The following ST8SIA6 variants were observed in gnomAD, a reference collection of about 807,000 sequenced individuals.
ST8SIA6 encodes ST8 alpha-N-acetyl-neuraminide alpha-2,8-sialyltransferase 6, also known as alpha-2,8-sialyltransferase 8F.
In ST8SIA6, 39 loss-of-function variants were observed where a neutral mutation model predicts 33.6. That is an observed-to-expected ratio of 1.16 (90% CI 0.90 to 1.52). The LOEUF is 1.52. Ranked by LOEUF, ST8SIA6 falls within the 40% of genes most tolerant of loss-of-function variation. The pLI, the probability that ST8SIA6 is intolerant of heterozygous loss-of-function variation, is 0.00. For missense variants in ST8SIA6, 441 were observed against 443.8 expected (o/e 0.99, Z 0.06); for synonymous variants, 172 against 167.2 (o/e 1.03, Z -0.22).
In ST8SIA6 at chr10:17,387,447, C is replaced by CGG. The variant is rs34921425; in HGVS notation, c.290+3082_290+3083dup. 1.5e-4 allele frequency among the ~76,000 whole-genome samples: 8 copies of CGG among 52,484 alleles called. No individual in the cohort carries two copies. In the East Asian group the frequency reaches 3.5e-3, roughly 23 times the overall value. The allele number at this position is 52,484 out of a possible 152,430, so 34.4% of individuals were successfully genotyped here. ...TGTGTTTTTAGTCGGGGCGGTGGGG[C>CGG]GGGGGGGGGGGGGTTCTCCATGTTG... On this transcript the variant is annotated intron_variant, in intron 3 of 7. Transcript: ENST00000377602.
chr10:17,398,773 T>C (rs1456914806), intron 2 of ST8SIA6, among the ~76,000 whole-genome samples: 2 of 152,222 alleles, frequency 1.3e-5, no homozygotes, highest in African/African-American at 2.4e-5. Context: ...GTCCTCATTC[T>C]AGGGATGAGG....
intron 4 of ST8SIA6, among the ~76,000 whole-genome samples, chr10:17,355,903 C>T (rs1849174876): frequency 6.6e-6 from 1 of 152,128 alleles, no homozygotes; most frequent in South Asian, 2.1e-4. Flanking sequence ...TTCTTCCTGG[C>T]CTCATCACTC....
chr10:17,334,724 A>C (rs555998024), intron 4 of ST8SIA6, among the ~76,000 whole-genome samples: 13 of 152,228 alleles, frequency 8.5e-5, no homozygotes, highest in African/African-American at 3.1e-4. Context: ...TAGAAAGCCC[A>C]GCAAAGCATA....
At chr10:17,330,223 T>C (rs1337175799) in intron 5 of ST8SIA6, among the ~76,000 whole-genome samples, 3 of 152,192 alleles carry the variant, frequency 2.0e-5, no homozygotes, top group African/African-American at 7.2e-5. Context: ...ATTAAGTTAA[T>C]CCTTTCAAAG....
intron 2 of ST8SIA6, among the ~76,000 whole-genome samples, chr10:17,420,138 G>A (rs1259712675): frequency 6.6e-6 from 1 of 152,216 alleles, no homozygotes; most frequent in African/African-American, 2.4e-5. Flanking sequence ...AGTGGGCTGG[G>A]CACTGTGGCT....
chr10:17,329,225 C>T (rs1443957243), intron 5 of ST8SIA6, among the ~76,000 whole-genome samples: 1 of 152,160 alleles, frequency 6.6e-6, no homozygotes, highest in Non-Finnish European at 1.5e-5. Context: ...ACTTTATTAG[C>T]ACATTTAACC....
chr10:17,378,891 T>C (rs566974966), intron 3 of ST8SIA6, among the ~76,000 whole-genome samples: 357 of 151,844 alleles, frequency 2.4e-3, no homozygotes, highest in African/African-American at 7.5e-3. Context: ...CTTTGGGAGG[T>C]CAAGGCGGGC....
At chr10:17,449,189 A>G (rs541510813) in intron 2 of ST8SIA6, among the ~76,000 whole-genome samples, 2 of 152,166 alleles carry the variant, frequency 1.3e-5, no homozygotes, top group Non-Finnish European at 2.9e-5. Flanking sequence ...AATAACATAA[A>G]TAAATCAAGT....
chr10:17,374,056 T>C (rs1849812662), intron 3 of ST8SIA6, among the ~76,000 whole-genome samples: 1 of 132,232 alleles, frequency 7.6e-6, no homozygotes, highest in Non-Finnish European at 1.6e-5. Context: ...AGTTATCTTT[T>C]AACATCAACA....
intron 2 of ST8SIA6, among the ~76,000 whole-genome samples, chr10:17,418,791 G>A (rs1474065192): frequency 6.6e-6 from 1 of 151,968 alleles, no homozygotes; most frequent in African/African-American, 2.4e-5. Flanking sequence ...TCAGGAGTTC[G>A]AGACCAGCAT....
intron 6 of ST8SIA6, among the ~76,000 whole-genome samples, chr10:17,324,868 C>T (rs1050369987): frequency 2.1e-5 from 3 of 143,176 alleles, no homozygotes; most frequent in Non-Finnish European, 4.5e-5. Context: ...ATATAATATG[C>T]ATATATGTAA....
At chr10:17,450,919 C>G (rs1852888322) in intron 2 of ST8SIA6, among the ~76,000 whole-genome samples, 1 of 152,124 alleles carries the variant, frequency 6.6e-6, no homozygotes. Flanking sequence ...CACACACCAT[C>G]TTTCCCAGCA....
At chr10:17,343,382 A>G (rs1191150205) in intron 4 of ST8SIA6, among the ~76,000 whole-genome samples, 5 of 152,234 alleles carry the variant, frequency 3.3e-5, no homozygotes, top group Non-Finnish European at 5.9e-5. Context: ...AGCCACAGAA[A>G]ATATTGTATT....
chr10:17,370,609 T>A (rs1352581912), intron 3 of ST8SIA6, among the ~76,000 whole-genome samples: 1 of 152,172 alleles, frequency 6.6e-6, no homozygotes, highest in Non-Finnish European at 1.5e-5. Context: ...AGCTCTATTC[T>A]TTTTTCTCCT....
chr10:17,414,658 C>T (rs1219543742), intron 2 of ST8SIA6, among the ~76,000 whole-genome samples: 1 of 152,172 alleles, frequency 6.6e-6, no homozygotes, highest in Non-Finnish European at 1.5e-5. Flanking sequence ...TGGCTGGGTC[C>T]TCACATTGTC....
intron 3 of ST8SIA6, among the ~76,000 whole-genome samples, chr10:17,367,219 T>C (rs571511201): frequency 1.3e-5 from 2 of 152,298 alleles, no homozygotes; most frequent in East Asian, 1.9e-4. Context: ...AGAGGTTTAA[T>C]GAACTCACAG....
chr10:17,421,922 G>T (rs981495559), intron 2 of ST8SIA6, among the ~76,000 whole-genome samples: 6 of 152,094 alleles, frequency 3.9e-5, no homozygotes, highest in Non-Finnish European at 7.4e-5. Flanking sequence ...AGCCATCAAA[G>T]TATAAAGGAA....
At chr10:17,356,926 A>G (rs150461534) in intron 4 of ST8SIA6, among the ~76,000 whole-genome samples, 109 of 152,342 alleles carry the variant, frequency 7.2e-4, no homozygotes, top group African/African-American at 2.2e-3. Context: ...AAAGGAAGAC[A>G]AAAGATTTAC....
chr10:17,385,388 G>A (rs796804280), intron 3 of ST8SIA6, among the ~76,000 whole-genome samples: 49 of 152,282 alleles, frequency 3.2e-4, no homozygotes, highest in African/African-American at 1.0e-3. Flanking sequence ...TTGTCACGGT[G>A]TCTGTGTGAA....
Sources: allele counts gnomAD v4.1 joint callset (sites outside exome capture counted in the v4.1 genomes callset), GRCh38; gene constraint gnomAD v4.1.1; transcripts MANE v1.5; gene names NCBI Gene and HGNC (gene_info 2026-07-23, HGNC 2026-07-21).